The following MAPK8IP1 variants were observed in gnomAD, a reference collection of about 807,000 sequenced individuals.
MAPK8IP1 encodes the protein C-Jun-amino-terminal kinase-interacting protein 1.
MAPK8IP1 carries 17 observed loss-of-function variants against 72.6 expected under a neutral mutation model. That is an observed-to-expected ratio of 0.23 (90% CI 0.16 to 0.35). The LOEUF is 0.35. MAPK8IP1 is among the 10% of genes least tolerant of loss of function. The pLI is 1.00. For synonymous variants in MAPK8IP1, 401 were observed against 443.4 expected, an observed-to-expected ratio of 0.90 and a Z score of 1.20; for missense variants, 789 against 1,009.7, an observed-to-expected ratio of 0.78 and a Z score of 2.96.
intron 1 of MAPK8IP1, among the ~76,000 whole-genome samples, chr11:45,895,798 G>A (rs1269640385): frequency 1.3e-5 from 2 of 152,048 alleles, no homozygotes; most frequent in African/African-American, 4.8e-5. Flanking sequence ...TGGGCAACCA[G>A]TGTGAATTGA....
intron 1 of MAPK8IP1, among the ~76,000 whole-genome samples, chr11:45,891,099 G>A (rs1482678429): frequency 2.6e-5 from 4 of 152,172 alleles, no homozygotes; most frequent in Non-Finnish European, 4.4e-5. Flanking sequence ...CACACAGTCC[G>A]GCAGTGGCCA....
At chr11:45,901,864 G>C in intron 3 of MAPK8IP1, 116 bp from the exon 4 acceptor site, 3 of 813,942 alleles carry the variant, frequency 3.7e-6, no homozygotes, top group Non-Finnish European at 6.6e-6. Context: ...GACAGTGGAG[G>C]CGGGGTGGAC....
chr11:45,901,298 C>T (rs892071275), intron 3 of MAPK8IP1, among the ~76,000 whole-genome samples: 2 of 151,956 alleles, frequency 1.3e-5, no homozygotes, highest in African/African-American at 4.8e-5. Context: ...GGGAGGGGTC[C>T]CAGGGCTGAG....
chr11:45,899,325 C>G (rs1206577497), intron 2 of MAPK8IP1, among the ~76,000 whole-genome samples: 1 of 152,258 alleles, frequency 6.6e-6, no homozygotes, highest in Non-Finnish European at 1.5e-5. Flanking sequence ...GCAGGGGCCC[C>G]AGGCACTACT....
At position 45,903,359 on chromosome 11, in the gene MAPK8IP1, C is replaced by G; in HGVS notation, c.1418-6C>G. The stretch of plus-strand genomic sequence containing the variant: ...CCCCCATCCAGCCACACCACCTCAC[C>G]TGCAGGTGCTGAGTCCTTCGGGCTG... On this transcript the variant is annotated splice_region_variant and splice_polypyrimidine_tract_variant and intron_variant, in intron 5 of 11. Coordinates refer to ENST00000241014, the MANE Select transcript of MAPK8IP1 (RefSeq NM_005456.4). The surrounding 1 kb of genome is among the most constrained non-coding windows in gnomAD (Gnocchi z 6.4). 6.2e-7 allele frequency: 1 copy of G among 1,613,612 alleles called. No homozygotes were observed. Among genetic ancestry groups the G allele is most frequent in the Non-Finnish European group, 8.5e-7 (1 of 1,179,832 alleles).
At position 45,902,798 on chromosome 11, in the gene MAPK8IP1, G is replaced by C. The variant is rs750430855; in HGVS notation, c.1031G>C (p.Arg344Pro). The C allele has an allele frequency of 6.3e-7, 1 of 1,589,602 alleles. No individual in the cohort carries two copies. Among genetic ancestry groups the C allele is most frequent in the Admixed American group, 1.8e-5 (1 of 57,008 alleles). ...EGFDCLSSPERAEPPGGGWRG... is the reference protein window; with the variant it reads ...EGFDCLSSPEPAEPPGGGWRG... ...TTCGACTGCCTGTCGTCCCCAGAGC[G>C]GGCTGAGCCCCCAGGCGGAGGGTGG... Residue 344 changes from arginine (R) to proline (P), a missense_variant, in exon 5 of 12, where the codon CGG (arginine) becomes CCG (proline). Arg to Pro is a moderately radical substitution (Grantham distance 103, BLOSUM62 -2). Around this residue, in one of 4 missense-constraint regions of MAPK8IP1, gnomAD observed 377 missense variants for 411.7 expected, o/e 0.92. Coordinates refer to ENST00000241014, the MANE Select transcript of MAPK8IP1 (RefSeq NM_005456.4). This position sits in a 1 kb window ranked among gnomAD's most constrained non-coding sequence, Gnocchi z 9.3.
rs549930864 is a variant in MAPK8IP1 at position 45,904,166 on chromosome 11, T to C, written c.1666+5T>C. 4.8e-5 allele frequency: 78 copies of C among 1,613,238 alleles called. No individual in the cohort carries two copies. The South Asian group carries it at 7.4e-4, about 15-fold the overall frequency. On this transcript the variant is annotated splice_donor_5th_base_variant and intron_variant, in intron 7 of 11. Coordinates refer to ENST00000241014, the MANE Select transcript of MAPK8IP1 (RefSeq NM_005456.4). This position sits in a 1 kb window ranked among gnomAD's most constrained non-coding sequence, Gnocchi z 6.4. ...AGGAGCCCGAGCACATGGCAGGTAG[T>C]GTTCCCTCCCTGGCCTGTGCCCCCA...
At chr11:45,897,083 C>T (rs1395680945) in intron 1 of MAPK8IP1, 1 of 902,522 alleles carries the variant, frequency 1.1e-6, no homozygotes, top group Non-Finnish European at 1.8e-6. Context: ...GCTAAGCCAC[C>T]ATCTCTCCTG....
At chr11:45,901,830 A>AG in intron 3 of MAPK8IP1, 150 bp from the exon 4 acceptor site, 1 of 772,014 alleles carries the variant, frequency 1.3e-6, no homozygotes. Flanking sequence ...CCTGCTCCAG[A>AG]GGAGAGTTAC....
intron 2 of MAPK8IP1, 23 bp downstream of exon 2, chr11:45,898,213 T>C (rs758544318): frequency 1.9e-6 from 3 of 1,558,696 alleles, no homozygotes; most frequent in Non-Finnish European, 2.7e-6. Context: ...TCCCAGGAGC[T>C]CCTGAGTGGG....
At position 45,903,301 on chromosome 11, in the gene MAPK8IP1, C is replaced by G. The variant is rs61882478; in HGVS notation, c.1418-64C>G. ...CATCTGGTTAGGACTGAGGCTTCTA[C>G]CTGCCCCGCTAAACCTGGATCAGAG... is the stretch of plus-strand genomic sequence containing the variant. On this transcript the variant is annotated intron_variant, in intron 5 of 11. Transcript: ENST00000241014. The surrounding 1 kb of genome is among the most constrained non-coding windows in gnomAD (Gnocchi z 6.4). 26,632 of 1,591,742 alleles carry G rather than the reference C, an allele frequency of 0.017. 297 individuals carry two copies. The highest frequency in any genetic ancestry group is 0.02 in the Non-Finnish European group (23,234 of 1,162,892).
At position 45,890,832 on chromosome 11, in the gene MAPK8IP1, C is replaced by CAGAGG. The variant is rs760408459; in HGVS notation, c.101+4918_101+4922dup. Among the ~76,000 whole-genome samples the CAGAGG allele has an allele frequency of 2.6e-5, 4 of 152,266 alleles. No individual in the cohort carries two copies. The East Asian group carries it at 7.7e-4, about 29-fold the overall frequency. On this transcript the variant is annotated intron_variant, in intron 1 of 11. Transcript: ENST00000241014. Reference sequence around the variant, plus strand: ...GTCAGTCGGTTTTGGGTCTGGAGCTCAGAGGAGAGGATAGGGCTGGGGCCA... The same window carrying CAGAGG: ...GTCAGTCGGTTTTGGGTCTGGAGCTCAGAGGAGAGGAGAGGATAGGGCTGGGGCCA...
In MAPK8IP1 at chr11:45,904,991, T is replaced by C. The variant is rs2086693231; in HGVS notation, c.1914T>C (p.Phe638=). 1 of 1,614,158 alleles carries C rather than the reference T, an allele frequency of 6.2e-7. No individual in the cohort carries two copies. The highest frequency in any genetic ancestry group is 1.1e-5 in the South Asian group (1 of 91,082). Residue 638 remains phenylalanine (F), a synonymous_variant, in exon 10 of 12, where the codon TTT becomes TTC. Coordinates refer to ENST00000241014, the MANE Select transcript of MAPK8IP1 (RefSeq NM_005456.4). The surrounding 1 kb of genome is among the most constrained non-coding windows in gnomAD (Gnocchi z 6.4). ...TGTAGGGGAATAAATGTAGCCACTT[T>C]TTCCAGTTAAAAAACATCTCTTTCT... ...QEAKGNKCSH[F]FQLKNISFCG... is the part of the protein sequence containing the mutation.
At position 45,900,239 on chromosome 11, in the gene MAPK8IP1, T is replaced by C; in HGVS notation, c.309T>C (p.Thr103=). The change falls in exon 3 of 12, where the codon ACT becomes ACC. Residue 103 remains threonine (T), a synonymous_variant. Coordinates refer to ENST00000241014, the MANE Select transcript of MAPK8IP1 (RefSeq NM_005456.4). The surrounding 1 kb of genome is among the most constrained non-coding windows in gnomAD (Gnocchi z 6.5). Reference sequence around the variant, plus strand: ...ACCTGATCGACGCGACGGGGGACACTCCCGGGGCCGAGGACGACGAGGAGG... The same window carrying C: ...ACCTGATCGACGCGACGGGGGACACCCCCGGGGCCGAGGACGACGAGGAGG... ...QMDLIDATGD[T]PGAEDDEEDD... The C allele has an allele frequency of 7.5e-7, 1 of 1,334,948 alleles. No homozygotes were observed. The highest frequency in any genetic ancestry group is 3.2e-5 in the East Asian group (1 of 31,658). 82.7% of individuals were successfully genotyped at this position (1,334,948 alleles called of 1,614,324 possible).
At chr11:45,899,592 T>C (rs1022620879) in intron 2 of MAPK8IP1, among the ~76,000 whole-genome samples, 1 of 152,178 alleles carries the variant, frequency 6.6e-6, no homozygotes, top group African/African-American at 2.4e-5. Context: ...CCGGGCCAGC[T>C]GGCTTAGGGC....
At chr11:45,897,477 ATGT>A (rs1437115857) in intron 1 of MAPK8IP1, among the ~76,000 whole-genome samples, 1 of 152,254 alleles carries the variant, frequency 6.6e-6, no homozygotes, top group South Asian at 2.1e-4. Flanking sequence ...TAAGGAGAAG[ATGT>A]TGTGGTTGAA....
At chr11:45,895,403 T>C (rs2086595526) in intron 1 of MAPK8IP1, among the ~76,000 whole-genome samples, 1 of 152,108 alleles carries the variant, frequency 6.6e-6, no homozygotes, top group South Asian at 2.1e-4. Flanking sequence ...GCAGATCACC[T>C]GAGGTCAGGA....
chr11:45,891,737 T>G lies in MAPK8IP1; in HGVS notation c.101+5816T>G, dbSNP rs142243628. On this transcript the variant is annotated intron_variant, in intron 1 of 11. Coordinates refer to ENST00000241014, the MANE Select transcript of MAPK8IP1 (RefSeq NM_005456.4). ...CCACTGGATCATATATGCTGTCTTTTTGCTCATTTTATTAGTTGTCACCTT... is the reference window on the plus strand; with the variant it reads ...CCACTGGATCATATATGCTGTCTTTGTGCTCATTTTATTAGTTGTCACCTT... Among the ~76,000 whole-genome samples, 68 of 152,340 alleles carry G rather than the reference T, an allele frequency of 4.5e-4. 1 individual carries two copies. In the East Asian group the frequency reaches 0.013, roughly 29 times the overall value.
At chr11:45,891,834 C>T (rs1407344767) in intron 1 of MAPK8IP1, among the ~76,000 whole-genome samples, 1 of 152,236 alleles carries the variant, frequency 6.6e-6, no homozygotes, top group Admixed American at 6.5e-5. Context: ...CACGATGGAA[C>T]CAGCCCCCTG....
Sources: allele counts gnomAD v4.1 joint callset (sites outside exome capture counted in the v4.1 genomes callset), GRCh38; gene constraint gnomAD v4.1.1; regional missense constraint gnomAD v4.1.1; non-coding constraint Gnocchi (gnomAD v3.1); transcripts MANE v1.5; gene names NCBI Gene and HGNC (gene_info 2026-07-23, HGNC 2026-07-21).